EDDM13: variants seen among roughly 807,000 people sequenced by gnomAD.
EDDM13 encodes epididymal protein 13.
A neutral mutation model predicts 17.8 loss-of-function variants in EDDM13; 24 were observed. That is an observed-to-expected ratio of 1.35 (90% CI 0.98 to 1.90). EDDM13 has a LOEUF of 1.90. EDDM13 is among the 40% of genes most tolerant of loss of function. The pLI is 0.00. For missense variants in EDDM13, 97 were observed against 100.8 expected, an observed-to-expected ratio of 0.96 and a Z score of 0.16; for synonymous variants, 31 against 37.5, an observed-to-expected ratio of 0.83 and a Z score of 0.63.
At chr19:56,274,049 T>A (rs1040140700) in intron 1 of EDDM13, among the ~76,000 whole-genome samples, 1 of 151,938 alleles carries the variant, frequency 6.6e-6, no homozygotes, top group Non-Finnish European at 1.5e-5. Flanking sequence ...CAGGATTGAG[T>A]GATGGGTCAG....
chr19:56,289,314 G>A (rs1052205891), intron 8 of EDDM13, among the ~76,000 whole-genome samples: 3 of 152,180 alleles, frequency 2.0e-5, no homozygotes, highest in African/African-American at 7.2e-5. Flanking sequence ...GCTCCAATGC[G>A]AGGGAGCTTA....
intron 8 of EDDM13, among the ~76,000 whole-genome samples, chr19:56,289,558 T>C (rs1228187358): frequency 6.6e-6 from 1 of 152,184 alleles, no homozygotes; most frequent in East Asian, 1.9e-4. Flanking sequence ...TAGAAAACTG[T>C]ATGGCACATA....
chr19:56,291,111 A>G (rs1600202580), intron 9 of EDDM13, among the ~76,000 whole-genome samples: 1 of 152,198 alleles, frequency 6.6e-6, no homozygotes, highest in South Asian at 2.1e-4. Context: ...AGCCCTTGGC[A>G]TATCACGTCC....
In EDDM13 at chr19:56,272,790, G is replaced by T. The variant is rs769885766; in HGVS notation, c.-45G>T. On this transcript the variant is annotated 5_prime_UTR_variant, in exon 1 of 15. Transcript: ENST00000649256. ...AGACGGTGGGTGACCAGAGAGTCCT[G>T]TCTATCCTAGGAGGAGAACATTCAG... 2.6e-5 allele frequency: 21 copies of T among 815,332 alleles called. No individual in the cohort carries two copies. Among genetic ancestry groups the T allele is most frequent in the Non-Finnish European group, 3.0e-5 (20 of 674,774 alleles). The allele number at this position is 815,332 out of a possible 1,614,324, so 50.5% of individuals were successfully genotyped here. A position where few individuals can be genotyped will look rare whatever the true frequency, so the allele number is the denominator to read the frequency against.
chr19:56,274,067 T>C (rs936720638), intron 1 of EDDM13, among the ~76,000 whole-genome samples: 3 of 152,158 alleles, frequency 2.0e-5, no homozygotes, highest in Non-Finnish European at 4.4e-5. Context: ...CAGATGCTGG[T>C]GGTTGGGGAT....
intron 6 of EDDM13, among the ~76,000 whole-genome samples, chr19:56,287,139 G>A (rs1028652747): frequency 6.6e-6 from 1 of 152,152 alleles, no homozygotes; most frequent in African/African-American, 2.4e-5. Context: ...GACAGTTTCC[G>A]AGTTTTGTCC....
chr19:56,274,499 T>A (rs2038104645), intron 1 of EDDM13: 1 of 151,806 alleles, frequency 6.6e-6, no homozygotes, highest in South Asian at 2.1e-4. Flanking sequence ...AGGAACACGT[T>A]TTTTAAAAAA....
intron 13 of EDDM13, among the ~76,000 whole-genome samples, 193 bp from the exon 14 acceptor site, chr19:56,304,600 A>T (rs80294291): frequency 0.019 from 2,928 of 151,886 alleles, 82 homozygotes; most frequent in African/African-American, 0.062. Context: ...ATGGGGAAGA[A>T]GGTGGGAGTG....
chr19:56,285,248 GT>G (rs778779497), intron 6 of EDDM13, among the ~76,000 whole-genome samples: 26 of 152,140 alleles, frequency 1.7e-4, no homozygotes, highest in Non-Finnish European at 3.2e-4. Flanking sequence ...AGTTTTTTAA[GT>G]TTTATAAATA....
chr19:56,308,232 C>T (rs2040823813), intron 14 of EDDM13, among the ~76,000 whole-genome samples: 1 of 152,048 alleles, frequency 6.6e-6, no homozygotes, highest in Non-Finnish European at 1.5e-5. Flanking sequence ...CGGGGTTTCA[C>T]CATGTTGGCC....
intron 6 of EDDM13, among the ~76,000 whole-genome samples, chr19:56,287,205 T>C (rs1018733726): frequency 5.3e-5 from 8 of 152,230 alleles, no homozygotes; most frequent in Non-Finnish European, 8.8e-5. Context: ...AACCTGGAAG[T>C]AGAACTCTCC....
chr19:56,307,969 C>A (rs1232606031), intron 14 of EDDM13, among the ~76,000 whole-genome samples: 2 of 152,236 alleles, frequency 1.3e-5, no homozygotes, highest in Non-Finnish European at 2.9e-5. Flanking sequence ...CTCCAAGCTC[C>A]TCCTGCTTCT....
chr19:56,309,086 T>C (rs1455681113), intron 14 of EDDM13, among the ~76,000 whole-genome samples: 1 of 152,212 alleles, frequency 6.6e-6, no homozygotes, highest in Non-Finnish European at 1.5e-5. Context: ...CAAAACGTAG[T>C]GCATTCATAC....
intron 3 of EDDM13, among the ~76,000 whole-genome samples, chr19:56,281,952 G>A (rs2038743192): frequency 6.6e-6 from 1 of 152,212 alleles, no homozygotes; most frequent in African/African-American, 2.4e-5. Flanking sequence ...TGTGCTGTCA[G>A]AGAGAAAGAG....
In EDDM13 at chr19:56,277,175, C is replaced by T. The variant is rs375616734; in HGVS notation, c.103+1066C>T. On this transcript the variant is annotated intron_variant, in intron 2 of 14. Transcript: ENST00000649256. ...TAAACACTGAGTTACTCAGCAATTCCGCTCTAGGTATGTGCCCAAGATAAA... is the reference window on the plus strand; with the variant it reads ...TAAACACTGAGTTACTCAGCAATTCTGCTCTAGGTATGTGCCCAAGATAAA... Among the ~76,000 whole-genome samples the T allele has an allele frequency of 4.3e-4, 65 of 152,276 alleles. No homozygotes were observed. The East Asian group carries it at 9.3e-3, about 22-fold the overall frequency.
chr19:56,302,555 C>CCCT (rs1165919335), intron 13 of EDDM13, among the ~76,000 whole-genome samples: 3 of 95,628 alleles, frequency 3.1e-5, no homozygotes, highest in East Asian at 2.9e-4. Flanking sequence ...GTTCCTCCCT[C>CCCT]CCTCCCCCCT....
chr19:56,272,981 G>C (rs2037963314), intron 1 of EDDM13, 62 bp downstream of exon 1: 1 of 735,696 alleles, frequency 1.4e-6, no homozygotes, highest in South Asian at 6.2e-5. Context: ...GGAGGCTCTT[G>C]TGGGCTGGAT....
chr19:56,279,664 C>T (rs1230671998), intron 2 of EDDM13, among the ~76,000 whole-genome samples: 1 of 152,134 alleles, frequency 6.6e-6, no homozygotes, highest in African/African-American at 2.4e-5. Context: ...AATCCCCACA[C>T]CAGACTTGGT....
intron 5 of EDDM13, among the ~76,000 whole-genome samples, chr19:56,284,534 T>TTTTTTA (rs2038962148): frequency 1.4e-5 from 2 of 145,570 alleles, no homozygotes; most frequent in Non-Finnish European, 3.0e-5. Context: ...TTTTTTTTTT[T>TTTTTTA]GAGACAGTCT....
Sources: gnomAD v4.1 joint callset for allele counts (sites outside exome capture counted in the v4.1 genomes callset) on GRCh38, gnomAD v4.1.1 for gene constraint, MANE v1.5 for transcripts, NCBI Gene and HGNC (gene_info 2026-07-23, HGNC 2026-07-21) for gene names.